ZNF654: variants seen among roughly 807,000 people sequenced by gnomAD.
ZNF654 encodes the protein zinc finger protein 654.
In ZNF654, 19 loss-of-function variants were observed where a neutral mutation model predicts 95.3. That is an observed-to-expected ratio of 0.20 (90% CI 0.14 to 0.29). The LOEUF is 0.29. Ranked by LOEUF, ZNF654 falls within the 10% of genes least tolerant of loss-of-function variation. ZNF654 has a pLI of 1.00. For missense variants in ZNF654, 1,046 were observed against 1,341.0 expected, an observed-to-expected ratio of 0.78 and a Z score of 3.44; for synonymous variants, 413 against 457.9, an observed-to-expected ratio of 0.90 and a Z score of 1.25.
At chr3:88,136,298 T>C (rs752851261) in intron 7 of ZNF654, among the ~76,000 whole-genome samples, 2 of 152,150 alleles carry the variant, frequency 1.3e-5, no homozygotes, top group Non-Finnish European at 2.9e-5. Context: ...GCTTTCTTAT[T>C]TTCATATGTG....
At chr3:88,059,659 C>T (rs1184679094) in intron 1 of ZNF654, among the ~76,000 whole-genome samples, 154 bp downstream of exon 1, 1 of 150,680 alleles carries the variant, frequency 6.6e-6, no homozygotes, top group Non-Finnish European at 1.5e-5. Context: ...ACTTATCCGG[C>T]TTGGGGTGGG....
chr3:88,084,748 C>A (rs1576234333), intron 1 of ZNF654, among the ~76,000 whole-genome samples: 1 of 152,164 alleles, frequency 6.6e-6, no homozygotes, highest in East Asian at 1.9e-4. Flanking sequence ...AGATAATGGA[C>A]TTTATTAATC....
At chr3:88,129,163 A>G (rs1706288790) in intron 5 of ZNF654, 152 bp downstream of exon 5, 1 of 587,130 alleles carries the variant, frequency 1.7e-6, no homozygotes, top group South Asian at 2.6e-5. Context: ...TTCTTTTGGC[A>G]CCATAACTTA....
At chr3:88,128,194 GT>G (rs1268427695) in intron 4 of ZNF654, among the ~76,000 whole-genome samples, 1 of 151,872 alleles carries the variant, frequency 6.6e-6, no homozygotes, top group Non-Finnish European at 1.5e-5. Flanking sequence ...AGCTAATGGT[GT>G]TTATATATTT....
In ZNF654 at chr3:88,142,049, A is replaced by G. The variant is rs972042553; in HGVS notation, c.*397A>G. Reference sequence around the variant, plus strand: ...GAGGGGGGCTGGTTTACAATATTAAACCATTTAAAGTATTTTATTCTACAA... The same window carrying G: ...GAGGGGGGCTGGTTTACAATATTAAGCCATTTAAAGTATTTTATTCTACAA... On this transcript the variant is annotated 3_prime_UTR_variant, in exon 9 of 9. Transcript: ENST00000636215. The G allele has an allele frequency of 1.9e-5, 3 of 160,996 alleles. No individual in the cohort carries two copies. Among genetic ancestry groups the G allele is most frequent in the African/African-American group, 7.2e-5 (3 of 41,810 alleles). The allele number at this position is 160,996 out of a possible 1,614,324, so 10.0% of individuals were successfully genotyped here. A position where few individuals can be genotyped will look rare whatever the true frequency, so the allele number is the denominator to read the frequency against.
chr3:88,063,905 G>A (rs1237201758), intron 1 of ZNF654, among the ~76,000 whole-genome samples: 1 of 152,098 alleles, frequency 6.6e-6, no homozygotes, highest in Non-Finnish European at 1.5e-5. Context: ...CCCAGTGGCA[G>A]GAGCTGGTTG....
chr3:88,086,822 G>T (rs1346103472), intron 2 of ZNF654, among the ~76,000 whole-genome samples: 1 of 152,030 alleles, frequency 6.6e-6, no homozygotes, highest in Non-Finnish European at 1.5e-5. Flanking sequence ...TCGCTCTGTC[G>T]CCCAGGCTGG....
intron 1 of ZNF654, among the ~76,000 whole-genome samples, chr3:88,084,049 C>T (rs1174962913): frequency 4.0e-5 from 6 of 151,716 alleles, no homozygotes; most frequent in East Asian, 3.9e-4. Flanking sequence ...CAATGTAAAA[C>T]GGTATCTAAA....
At chr3:88,068,475 T>C (rs1188406728) in intron 1 of ZNF654, among the ~76,000 whole-genome samples, 3 of 152,128 alleles carry the variant, frequency 2.0e-5, no homozygotes, top group South Asian at 2.1e-4. Flanking sequence ...TAACAAAACA[T>C]GTACAGGTTG....
chr3:88,124,986 C>CA (rs1378651516), intron 3 of ZNF654, among the ~76,000 whole-genome samples: 1 of 152,028 alleles, frequency 6.6e-6, no homozygotes, highest in Non-Finnish European at 1.5e-5. Context: ...GAGGCCGAGG[C>CA]AGGCGGATCA....
At chr3:88,093,283 G>A (rs1254660293) in intron 2 of ZNF654, among the ~76,000 whole-genome samples, 1 of 152,198 alleles carries the variant, frequency 6.6e-6, no homozygotes, top group Non-Finnish European at 1.5e-5. Flanking sequence ...CTGAAACTAA[G>A]TGGACTTTCA....
chr3:88,088,074 T>C (rs1708430330), intron 2 of ZNF654, among the ~76,000 whole-genome samples: 1 of 152,194 alleles, frequency 6.6e-6, no homozygotes, highest in Admixed American at 6.5e-5. Flanking sequence ...TAAGGGACAC[T>C]CAACCTATAC....
At chr3:88,115,555 CAAT>C (rs1332211420) in intron 3 of ZNF654, among the ~76,000 whole-genome samples, 1 of 152,142 alleles carries the variant, frequency 6.6e-6, no homozygotes, top group Non-Finnish European at 1.5e-5. Context: ...TTTATTTTTA[CAAT>C]AATACCAAAA....
rs773552682 is a variant in ZNF654, at chr3:88,059,735, A to T, written c.186+230A>T. Reference sequence around the variant, plus strand: ...TGCTGAGAAAGTGAGTTTGTCGGGGATGGAGGGGCTGGAAAGAAGGAAGGT... The same window carrying T: ...TGCTGAGAAAGTGAGTTTGTCGGGGTTGGAGGGGCTGGAAAGAAGGAAGGT... On this transcript the variant is annotated intron_variant, in intron 1 of 8. Transcript: ENST00000636215. Among the ~76,000 whole-genome samples the T allele has an allele frequency of 6.7e-4, 101 of 151,848 alleles. 1 individual carries two copies. The highest frequency in any genetic ancestry group is 1.9e-4 in the Non-Finnish European group (13 of 67,916).
At chr3:88,081,702 A>C (rs1183411060) in intron 1 of ZNF654, among the ~76,000 whole-genome samples, 1 of 152,164 alleles carries the variant, frequency 6.6e-6, no homozygotes, top group Non-Finnish European at 1.5e-5. Context: ...TGTTTTTCAC[A>C]GCATTTCTCT....
chr3:88,060,738 T>C (rs188204633), intron 1 of ZNF654, among the ~76,000 whole-genome samples: 86 of 152,274 alleles, frequency 5.6e-4, no homozygotes, highest in Admixed American at 1.3e-3. Flanking sequence ...ATGGACATCA[T>C]GTTTGCTGAC....
At chr3:88,089,949 T>C (rs1462194057) in intron 2 of ZNF654, among the ~76,000 whole-genome samples, 1 of 152,214 alleles carries the variant, frequency 6.6e-6, no homozygotes, top group East Asian at 1.9e-4. Context: ...AGTGAAGTCA[T>C]AGCTGCCATA....
intron 2 of ZNF654, among the ~76,000 whole-genome samples, chr3:88,107,009 G>T (rs1438977975): frequency 6.6e-6 from 1 of 152,114 alleles, no homozygotes; most frequent in Non-Finnish European, 1.5e-5. Context: ...TTTAATTATA[G>T]AGGCTTTACA....
intron 1 of ZNF654, among the ~76,000 whole-genome samples, chr3:88,073,294 G>A (rs1404766356): frequency 6.6e-6 from 1 of 152,114 alleles, no homozygotes; most frequent in Admixed American, 6.6e-5. Context: ...CACTGGACTA[G>A]AACATAAACT....
Sources: gnomAD v4.1 joint callset for allele counts (sites outside exome capture counted in the v4.1 genomes callset) on GRCh38, gnomAD v4.1.1 for gene constraint, MANE v1.5 for transcripts, NCBI Gene and HGNC (gene_info 2026-07-23, HGNC 2026-07-21) for gene names.